Variants in RERE observed in about 807,000 individuals in gnomAD.
RERE encodes the protein arginine-glutamic acid dipeptide repeats.
Under a neutral mutation model 146.1 loss-of-function variants are expected in RERE, and 40 were observed. That is an observed-to-expected ratio of 0.27 (90% CI 0.21 to 0.36). The LOEUF is 0.36. Ranked by LOEUF, RERE falls within the 10% of genes least tolerant of loss-of-function variation. The probability of loss-of-function intolerance (pLI) is 1.00; values close to 1 mark genes in which losing one functional copy is unlikely to be tolerated. For synonymous variants in RERE, 1,003 were observed against 866.0 expected (o/e 1.16, Z -2.78); for missense variants, 1,933 against 2,138.7 (o/e 0.90, Z 1.90).
At chr1:8,554,468 C>T (rs551987627) in intron 6 of RERE, among the ~76,000 whole-genome samples, 7 of 151,962 alleles carry the variant, frequency 4.6e-5, no homozygotes, top group African/African-American at 1.7e-4. Flanking sequence ...GGGTGGATTG[C>T]TTAAGTTTAG....
chr1:8,746,133 T>G (rs191613397), intron 1 of RERE, among the ~76,000 whole-genome samples: 51 of 152,352 alleles, frequency 3.3e-4, no homozygotes, highest in Middle Eastern at 3.4e-3. Context: ...CTGTGAAAAT[T>G]TCTTTGATCC....
At chr1:8,589,432 C>A (rs542063797) in intron 4 of RERE, among the ~76,000 whole-genome samples, 1 of 152,206 alleles carries the variant, frequency 6.6e-6, no homozygotes, top group African/African-American at 2.4e-5. Context: ...TGAGTGAGAC[C>A]CTGTCTCAAA....
chr1:8,657,244 G>A (rs1206736733), intron 1 of RERE, among the ~76,000 whole-genome samples: 1 of 146,206 alleles, frequency 6.8e-6, no homozygotes, highest in Non-Finnish European at 1.5e-5. Flanking sequence ...GACGGAGCTT[G>A]TAGTGAGCCG....
rs1381259548 is a variant in RERE, at chr1:8,730,930, T to C, written c.-144-74489A>G. ...TTCATTTTCAGTTCAGAAGTCATCA[T>C]TCCCATCCTCACAGCAAGAAAACAG... On this transcript the variant is annotated intron_variant, in intron 1 of 22. Transcript: ENST00000400908. Among the ~76,000 whole-genome samples the C allele has an allele frequency of 5.3e-5, 8 of 152,186 alleles. No homozygotes were observed. In the East Asian group the frequency reaches 1.3e-3, roughly 26 times the overall value.
At chr1:8,437,890 C>T (rs536677067) in intron 11 of RERE, among the ~76,000 whole-genome samples, 1 of 144,628 alleles carries the variant, frequency 6.9e-6, no homozygotes, top group Admixed American at 7.3e-5. Context: ...TGCAGTATGT[C>T]CCCCGAAATA....
At chr1:8,381,281 G>A (rs1245334296) in intron 12 of RERE, among the ~76,000 whole-genome samples, 1 of 152,102 alleles carries the variant, frequency 6.6e-6, no homozygotes, top group Admixed American at 6.5e-5. Flanking sequence ...TAAACTGCAA[G>A]TGAACAGGGG....
chr1:8,801,805 T>C (rs1028027217), intron 1 of RERE, among the ~76,000 whole-genome samples: 2 of 152,192 alleles, frequency 1.3e-5, no homozygotes, highest in African/African-American at 2.4e-5. Context: ...CCTATACACA[T>C]ACTTGTACAA....
At chr1:8,691,651 T>TAC (rs1639209496) in intron 1 of RERE, among the ~76,000 whole-genome samples, 1 of 152,214 alleles carries the variant, frequency 6.6e-6, no homozygotes, top group Admixed American at 6.5e-5. Context: ...GATCATATAT[T>TAC]ACACCAATAC....
At chr1:8,614,950 C>T (rs1315479754) in intron 3 of RERE, among the ~76,000 whole-genome samples, 1 of 152,142 alleles carries the variant, frequency 6.6e-6, no homozygotes, top group African/African-American at 2.4e-5. Flanking sequence ...GTGTGTGCCC[C>T]TCAAAATAAC....
At chr1:8,475,874 A>G (rs1446175535) in intron 10 of RERE, among the ~76,000 whole-genome samples, 1 of 152,226 alleles carries the variant, frequency 6.6e-6, no homozygotes, top group South Asian at 2.1e-4. Flanking sequence ...TATCATTTCA[A>G]ATAATGCTAT....
intron 4 of RERE, among the ~76,000 whole-genome samples, chr1:8,575,555 ATATATAT>A (rs1383610530): frequency 4.8e-5 from 3 of 62,742 alleles, no homozygotes; most frequent in African/African-American, 2.1e-4. Flanking sequence ...ATATATATAT[ATATATAT>A]TTTTTTTTTT....
chr1:8,647,696 AC>A (rs1291325564), intron 2 of RERE, among the ~76,000 whole-genome samples: 1 of 150,190 alleles, frequency 6.7e-6, no homozygotes, highest in Non-Finnish European at 1.5e-5. Flanking sequence ...AACACCAAAT[AC>A]CACATCTTGG....
chr1:8,360,574 T>C lies in RERE; in HGVS notation c.2933A>G (p.His978Arg). 1 of 1,335,766 alleles carries C rather than the reference T, an allele frequency of 7.5e-7. No individual in the cohort carries two copies. Among genetic ancestry groups the C allele is most frequent in the East Asian group, 2.7e-5 (1 of 36,432 alleles). The allele number at this position is 1,335,766 out of a possible 1,614,324, so 82.7% of individuals were successfully genotyped here. Reference sequence around the variant, plus strand: ...TGGGGGGTGAGCCGACGGGGGGTGATGTGTGGACAGGGAGCTCAGGGGCTT... The same window carrying C: ...TGGGGGGTGAGCCGACGGGGGGTGACGTGTGGACAGGGAGCTCAGGGGCTT... ...ALKPLSSLST[H>R]HPPSAHPPPL... The change falls in exon 18 of 23, where the codon CAT becomes CGT. Residue 978 changes from histidine (H) to arginine (R), a missense_variant. His to Arg is a conservative substitution (Grantham distance 29). This residue lies in a region of RERE where 1,255 missense variants were observed against 1,153.8 expected (regional missense o/e 1.09). Transcript: ENST00000400908.
chr1:8,768,149 C>G (rs955226189), intron 1 of RERE, among the ~76,000 whole-genome samples: 1 of 152,036 alleles, frequency 6.6e-6, no homozygotes, highest in Non-Finnish European at 1.5e-5. Context: ...TTTAAAATTA[C>G]TTAGTAGCAT....
intron 7 of RERE, among the ~76,000 whole-genome samples, chr1:8,519,233 C>CAAAA (rs1328640699): frequency 1.3e-4 from 19 of 151,932 alleles, no homozygotes; most frequent in African/African-American, 4.6e-4. Flanking sequence ...AACAAACAAA[C>CAAAA]AAAAAACCCA....
intron 15 of RERE, 100 bp from the exon 16 acceptor site, chr1:8,362,944 T>G: frequency 1.5e-6 from 2 of 1,316,192 alleles, no homozygotes; most frequent in South Asian, 2.8e-5. Flanking sequence ...GCACACCCTA[T>G]CAGCCTCTCA....
chr1:8,731,781 TTTG>T (rs141905642), intron 1 of RERE, among the ~76,000 whole-genome samples: 123,669 of 150,036 alleles, frequency 0.82, 50,946 homozygotes, highest in East Asian at 0.94. Context: ...ATAATGTTTT[TTTG>T]TTTGTTTGTT....
intron 7 of RERE, among the ~76,000 whole-genome samples, chr1:8,533,269 C>A (rs1368437031): frequency 1.3e-5 from 2 of 152,108 alleles, no homozygotes; most frequent in Non-Finnish European, 2.9e-5. Flanking sequence ...AGGAGTGCTT[C>A]CTTTCAAACT....
At chr1:8,363,853 G>A (rs1641692173) in intron 15 of RERE, 3 of 595,136 alleles carry the variant, frequency 5.0e-6, no homozygotes, top group Non-Finnish European at 8.9e-6. Context: ...AGAGCAGGAT[G>A]CCACCCTGGG....
Sources: gnomAD v4.1 joint callset for allele counts (sites outside exome capture counted in the v4.1 genomes callset) on GRCh38, gnomAD v4.1.1 for gene constraint, gnomAD v4.1.1 regional missense constraint, MANE v1.5 for transcripts, NCBI Gene and HGNC (gene_info 2026-07-23, HGNC 2026-07-21) for gene names.